Variants in METTL24 observed in about 807,000 individuals in gnomAD.
METTL24 encodes probable methyltransferase-like protein 24.
METTL24 carries 29 observed loss-of-function variants against 32.7 expected under a neutral mutation model. The ratio of observed to expected loss-of-function variants is 0.89; its 90% confidence interval spans 0.66 to 1.21. METTL24 has a LOEUF of 1.21. Among genes scored for constraint, METTL24 ranks in the 50% most tolerant of loss-of-function variants. The probability of loss-of-function intolerance (pLI) is 0.00; values close to 1 mark genes in which losing one functional copy is unlikely to be tolerated. For missense variants in METTL24, 439 were observed against 468.1 expected, an observed-to-expected ratio of 0.94 and a Z score of 0.57; for synonymous variants, 163 against 179.5, an observed-to-expected ratio of 0.91 and a Z score of 0.73.
At chr6:110,355,338 T>G (rs565401918) in intron 1 of METTL24, among the ~76,000 whole-genome samples, 1 of 152,274 alleles carries the variant, frequency 6.6e-6, no homozygotes, top group Non-Finnish European at 1.5e-5. Context: ...ATAAGCCACC[T>G]TTGTAGGTTA....
intron 2 of METTL24, among the ~76,000 whole-genome samples, chr6:110,322,157 C>T (rs1161347179): frequency 6.6e-6 from 1 of 152,224 alleles, no homozygotes; most frequent in Non-Finnish European, 1.5e-5. Context: ...TGGACAGTCT[C>T]TTTGCCTGCT....
At chr6:110,257,743 C>T (rs567397229) in intron 4 of METTL24, among the ~76,000 whole-genome samples, 8 of 152,350 alleles carry the variant, frequency 5.3e-5, no homozygotes, top group East Asian at 3.9e-4. Flanking sequence ...ATGGTGTATG[C>T]GCACAGCACT....
chr6:110,254,255 G>C (rs1297109377), intron 4 of METTL24: 2 of 232,568 alleles, frequency 8.6e-6, no homozygotes, highest in Non-Finnish European at 1.6e-5. Flanking sequence ...ACAGAATTCT[G>C]AAAAGAAGTG....
At chr6:110,292,825 A>G (rs1271453318) in intron 4 of METTL24, among the ~76,000 whole-genome samples, 1 of 152,048 alleles carries the variant, frequency 6.6e-6, no homozygotes, top group Non-Finnish European at 1.5e-5. Context: ...AAACATTTTT[A>G]AAATAAATAT....
intron 4 of METTL24, among the ~76,000 whole-genome samples, chr6:110,255,389 G>A (rs1778363477): frequency 6.6e-6 from 1 of 152,132 alleles, no homozygotes; most frequent in South Asian, 2.1e-4. Context: ...CCCAAGTCAG[G>A]GACAGATGAT....
intron 4 of METTL24, among the ~76,000 whole-genome samples, chr6:110,294,051 A>G (rs1246970273): frequency 6.6e-6 from 1 of 152,120 alleles, no homozygotes; most frequent in Non-Finnish European, 1.5e-5. Context: ...AAAACAATAC[A>G]TACAAATGGA....
chr6:110,270,220 A>G (rs1341708983), intron 4 of METTL24, among the ~76,000 whole-genome samples: 1 of 152,078 alleles, frequency 6.6e-6, no homozygotes, highest in Non-Finnish European at 1.5e-5. Flanking sequence ...ACTTGACTTC[A>G]GTGGTGGCTC....
intron 4 of METTL24, among the ~76,000 whole-genome samples, chr6:110,271,020 CT>C (rs563616542): frequency 7.2e-4 from 103 of 143,124 alleles, no homozygotes; most frequent in East Asian, 1.2e-3. Context: ...TTCTATTTTT[CT>C]TTTTTTTTTT....
chr6:110,318,651 C>CAAAA (rs56890760), intron 2 of METTL24, among the ~76,000 whole-genome samples: 21 of 90,110 alleles, frequency 2.3e-4, no homozygotes, highest in Non-Finnish European at 3.2e-4. Context: ...GACTCTACCT[C>CAAAA]AAAAAAAAAA....
intron 4 of METTL24, among the ~76,000 whole-genome samples, chr6:110,252,385 T>C (rs1176657812): frequency 6.6e-6 from 1 of 152,340 alleles, no homozygotes; most frequent in East Asian, 1.9e-4. Context: ...GCATTCCTGG[T>C]GTCTCCACTT....
intron 1 of METTL24, among the ~76,000 whole-genome samples, chr6:110,352,421 G>T (rs62435949): frequency 0.29 from 43,666 of 151,990 alleles, 6,649 homozygotes; most frequent in Non-Finnish European, 0.33. Flanking sequence ...AACACTGTGT[G>T]GTTCAAATAA....
intron 4 of METTL24, among the ~76,000 whole-genome samples, chr6:110,267,938 C>T (rs1361977222): frequency 1.3e-5 from 2 of 152,140 alleles, no homozygotes; most frequent in African/African-American, 4.8e-5. Context: ...TAAGAACTCA[C>T]TCACTATTTC....
chr6:110,348,044 A>G (rs1772514118), intron 1 of METTL24, among the ~76,000 whole-genome samples: 1 of 152,206 alleles, frequency 6.6e-6, no homozygotes, highest in South Asian at 2.1e-4. Flanking sequence ...TACCCACCAC[A>G]AGCACACACA....
At chr6:110,315,814 G>A (rs972681151) in intron 2 of METTL24, among the ~76,000 whole-genome samples, 1 of 152,118 alleles carries the variant, frequency 6.6e-6, no homozygotes, top group South Asian at 2.1e-4. Context: ...TTTGTAGAGG[G>A]GTGCTAGTCC....
intron 4 of METTL24, among the ~76,000 whole-genome samples, chr6:110,254,562 G>A (rs1412669715): frequency 6.6e-6 from 1 of 152,166 alleles, no homozygotes; most frequent in African/African-American, 2.4e-5. Flanking sequence ...AACCCAGAAG[G>A]CAGAGGCTGC....
At chr6:110,326,398 C>T (rs896143756) in intron 1 of METTL24, among the ~76,000 whole-genome samples, 4 of 152,178 alleles carry the variant, frequency 2.6e-5, no homozygotes, top group African/African-American at 9.7e-5. Context: ...CTGAAGGCTT[C>T]CATGTCATGT....
Position 110,246,231 on chromosome 6 carries a change from A to T in METTL24, c.816T>A (p.Ser272Arg), listed in dbSNP as rs763821621. 9.3e-6 allele frequency: 15 copies of T among 1,613,482 alleles called. No homozygotes were observed. Among genetic ancestry groups the T allele is most frequent in the Middle Eastern group, 1.7e-4 (1 of 6,052 alleles). ...GATTTTCCAAAACTTTCCATTCTGC[A>T]CTTTCCAGATCTGCCTTGAGAACGT... Reference protein sequence around the residue: ...KIDVLKADLESAEWKVLENLI... With the variant: ...KIDVLKADLERAEWKVLENLI... Residue 272 changes from serine to arginine, a missense_variant, in exon 5 of 5, where the codon AGT (serine) becomes AGA (arginine). Ser to Arg is a moderately radical substitution (Grantham distance 110, BLOSUM62 -1). Coordinates refer to ENST00000338882, the MANE Select transcript of METTL24 (RefSeq NM_001123364.3).
At chr6:110,313,078 T>C (rs1771754894) in intron 3 of METTL24, among the ~76,000 whole-genome samples, 1 of 152,254 alleles carries the variant, frequency 6.6e-6, no homozygotes, top group South Asian at 2.1e-4. Flanking sequence ...CTGTCATAGC[T>C]GAAGTGTGAA....
intron 4 of METTL24, among the ~76,000 whole-genome samples, chr6:110,253,362 G>C (rs925336061): frequency 7.4e-4 from 113 of 152,304 alleles, no homozygotes; most frequent in Middle Eastern, 3.4e-3. Flanking sequence ...AACTACGAGA[G>C]AGCATCAAAG....
Sources: allele counts gnomAD v4.1 joint callset (sites outside exome capture counted in the v4.1 genomes callset), GRCh38; gene constraint gnomAD v4.1.1; transcripts MANE v1.5; gene names NCBI Gene and HGNC (gene_info 2026-07-23, HGNC 2026-07-21).